HSD17B14: variants seen among roughly 807,000 people sequenced by gnomAD.
HSD17B14 encodes the protein L-fucose dehydrogenase.
A neutral mutation model predicts 32.2 loss-of-function variants in HSD17B14; 32 were observed. That is an observed-to-expected ratio of 0.99 (90% confidence interval 0.75 to 1.33). The LOEUF (loss-of-function observed/expected upper bound fraction) is 1.33. Among genes scored for constraint, HSD17B14 ranks in the 40% most tolerant of loss-of-function variants. The pLI is 0.00. For synonymous variants in HSD17B14, 140 were observed against 155.4 expected (o/e 0.90, Z 0.74); for missense variants, 370 against 366.5 (o/e 1.01, Z -0.08).
rs2035402616 is a variant in HSD17B14, at chr19:48,834,133, G to T, written c.210+143C>A. 4.5e-6 allele frequency: 3 copies of T among 662,010 alleles called. No homozygotes were observed. The East Asian group carries it at 7.9e-5, about 17-fold the overall frequency. 41.0% of individuals were successfully genotyped at this position (662,010 alleles called of 1,614,324 possible). A position where few individuals can be genotyped will look rare whatever the true frequency, so the allele number is the denominator to read the frequency against. ...TCACAGAAGACCTTGTGTGTGGAGT[G>T]ACACTGGGTGGAAACCTTTGACGAG... On this transcript the variant is annotated intron_variant, in intron 3 of 8. Transcript: ENST00000263278.
intron 5 of HSD17B14, among the ~76,000 whole-genome samples, chr19:48,816,637 G>A (rs867594078): frequency 7.9e-5 from 12 of 152,186 alleles, no homozygotes; most frequent in African/African-American, 2.6e-4. Context: ...CCTCAGTGAG[G>A]TCTTCCCTGG....
At chr19:48,830,693 C>T (rs993572467) in intron 5 of HSD17B14, among the ~76,000 whole-genome samples, 4 of 151,890 alleles carry the variant, frequency 2.6e-5, no homozygotes, top group African/African-American at 9.7e-5. Context: ...AGGTAATTTC[C>T]GTATTTTTTG....
intron 5 of HSD17B14, among the ~76,000 whole-genome samples, chr19:48,829,635 C>CT (rs34096239): frequency 0.026 from 1,979 of 76,040 alleles, 94 homozygotes; most frequent in Middle Eastern, 0.043. Context: ...CCAGGCCTGG[C>CT]TTTTTTTTTT....
chr19:48,830,220 C>T (rs540957239), intron 5 of HSD17B14, among the ~76,000 whole-genome samples: 1 of 152,198 alleles, frequency 6.6e-6, no homozygotes, highest in East Asian at 1.9e-4. Context: ...ACTCCCAGCA[C>T]ATCAAAGAAT....
chr19:48,821,037 G>C (rs2035139353), intron 5 of HSD17B14, among the ~76,000 whole-genome samples: 1 of 131,054 alleles, frequency 7.6e-6, no homozygotes, highest in Non-Finnish European at 1.6e-5. Flanking sequence ...TTTTTTGACA[G>C]AGTCTCACTC....
At position 48,836,391 on chromosome 19, in the gene HSD17B14, A is replaced by C. The variant is rs577108924; in HGVS notation, c.21T>G (p.Tyr7Ter). ...CGGTCACGACCACCACCTTCCCGGC[A>C]TAGCGCGTTCCCGTAGCCATCCCGT... MATGTRYAGKVVVVTGG... is the reference protein window; with the variant it reads MATGTR The change falls in exon 1 of 9, where the codon TAT (tyrosine) becomes TAG (stop). Residue 7 changes from tyrosine to a stop codon, truncating the protein, a stop_gained. Coordinates refer to ENST00000263278, the MANE Select transcript of HSD17B14 (RefSeq NM_016246.3). LOFTEE classifies it high-confidence loss of function. 9 of 1,613,508 alleles carry C rather than the reference A, an allele frequency of 5.6e-6. No individual in the cohort carries two copies. The African/African-American group carries it at 1.1e-4, about 19-fold the overall frequency.
intron 6 of HSD17B14, 100 bp from the exon 7 acceptor site, chr19:48,813,830 G>C: frequency 7.6e-7 from 1 of 1,315,008 alleles, no homozygotes; most frequent in Non-Finnish European, 1.1e-6. Flanking sequence ...GAATGGGGAA[G>C]TCATGCCCTC....
chr19:48,835,469 G>A (rs542373210), intron 2 of HSD17B14, among the ~76,000 whole-genome samples: 12 of 144,382 alleles, frequency 8.3e-5, no homozygotes, highest in Admixed American at 3.5e-4. Context: ...CTGGGTCTGA[G>A]GGAAGAGGGG....
intron 1 of HSD17B14, 22 bp from the exon 2 acceptor site, chr19:48,835,865 G>A (rs778879856): frequency 7.4e-6 from 12 of 1,612,494 alleles, no homozygotes; most frequent in Admixed American, 6.7e-5. Flanking sequence ...AAGGGAACAG[G>A]TTACTCTCCG....
At chr19:48,819,717 C>A (rs1430664571) in intron 5 of HSD17B14, among the ~76,000 whole-genome samples, 1 of 152,210 alleles carries the variant, frequency 6.6e-6, no homozygotes, top group African/African-American at 2.4e-5. Context: ...CAGAACCACA[C>A]CCATCCCCCT....
chr19:48,833,016 A>G (rs1234668818), intron 3 of HSD17B14, among the ~76,000 whole-genome samples: 2 of 151,770 alleles, frequency 1.3e-5, no homozygotes, highest in East Asian at 3.9e-4. Flanking sequence ...CAGCCTCCCA[A>G]AGTGCTGGAA....
intron 2 of HSD17B14, among the ~76,000 whole-genome samples, chr19:48,835,341 C>T (rs1442332173): frequency 5.1e-5 from 5 of 97,966 alleles, no homozygotes; most frequent in South Asian, 4.2e-4. Flanking sequence ...GGGCTGGGAG[C>T]CTGGACTCCT....
intron 3 of HSD17B14, among the ~76,000 whole-genome samples, chr19:48,833,262 C>G (rs926661761): frequency 5.3e-5 from 8 of 151,084 alleles, no homozygotes; most frequent in Non-Finnish European, 8.8e-5. Context: ...TCGTCACACC[C>G]AGGGTCAGGG....
chr19:48,816,092 G>A lies in HSD17B14; in HGVS notation c.370-951C>T, dbSNP rs191566580. ...GTTTCTCCTGCAATTCAACTCCCTG[G>A]CCACCTGGGAAGTCCCTAAATACTC... On this transcript the variant is annotated intron_variant, in intron 5 of 8. Coordinates refer to ENST00000263278, the MANE Select transcript of HSD17B14 (RefSeq NM_016246.3). Among the ~76,000 whole-genome samples the A allele has an allele frequency of 7.7e-4, 116 of 151,328 alleles. 1 individual carries two copies. Among genetic ancestry groups the A allele is most frequent in the African/African-American group, 2.7e-3 (111 of 41,228 alleles).
rs116979565 is a variant in HSD17B14 at position 48,834,320 on chromosome 19, C to T, written c.166G>A (p.Ala56Thr). The change falls in exon 3 of 9, where the codon GCT becomes ACT. Residue 56 changes from alanine (A) to threonine (T), a missense_variant. By Grantham distance (58) the Ala-to-Thr change is moderately conservative. Coordinates refer to ENST00000263278, the MANE Select transcript of HSD17B14 (RefSeq NM_016246.3). Reference protein sequence around the residue: ...GRALEQELPGAVFILCDVTQE... With the variant: ...GRALEQELPGTVFILCDVTQE... The stretch of plus-strand genomic sequence containing the variant: ...GTCACATCACAGAGGATAAAGACAG[C>T]TCCAGGGAGCTCCTGCTCCAGGGCC... The T allele has an allele frequency of 9.6e-3, 15,527 of 1,613,932 alleles. 129 individuals are homozygous for T. Among genetic ancestry groups the T allele is most frequent in the Non-Finnish European group, 0.01 (11,898 of 1,179,824 alleles).
At chr19:48,833,497 G>C (rs1339337983) in intron 3 of HSD17B14, among the ~76,000 whole-genome samples, 1 of 152,052 alleles carries the variant, frequency 6.6e-6, no homozygotes, top group Non-Finnish European at 1.5e-5. Flanking sequence ...TTCGAGACCA[G>C]CCTGGCCAAC....
chr19:48,834,414 TG>T (rs1271922347), intron 2 of HSD17B14, 56 bp from the exon 3 acceptor site: 5 of 1,102,180 alleles, frequency 4.5e-6, no homozygotes, highest in African/African-American at 1.5e-5. Flanking sequence ...GAGGAGGGGT[TG>T]GGGACTTGGA....
At chr19:48,813,630 C>A in intron 7 of HSD17B14, 33 bp downstream of exon 7, 2 of 1,613,900 alleles carry the variant, frequency 1.2e-6, no homozygotes, top group East Asian at 2.2e-5. Flanking sequence ...CCAGTCCCCC[C>A]AGGAGGCTCT....
intron 5 of HSD17B14, 114 bp downstream of exon 5, chr19:48,831,554 A>C (rs1422265087): frequency 3.8e-6 from 3 of 790,432 alleles, no homozygotes; most frequent in Admixed American, 1.8e-5. Context: ...CCCTGTCTCC[A>C]ACAAACAAAC....
Sources: gnomAD v4.1 joint callset for allele counts (sites outside exome capture counted in the v4.1 genomes callset) on GRCh38, gnomAD v4.1.1 for gene constraint, MANE v1.5 for transcripts, NCBI Gene and HGNC (gene_info 2026-07-23, HGNC 2026-07-21) for gene names.